RPS6KA2: variants seen among roughly 807,000 people sequenced by gnomAD.
RPS6KA2 encodes the protein ribosomal protein S6 kinase A2.
RPS6KA2 carries 42 observed loss-of-function variants against 91.8 expected under a neutral mutation model. The ratio of observed to expected loss-of-function variants is 0.46; its 90% CI spans 0.36 to 0.59. The LOEUF is 0.59. Among genes scored for constraint, RPS6KA2 ranks in the 20% least tolerant of loss-of-function variants. RPS6KA2 has a pLI of 0.00. For synonymous variants in RPS6KA2, 414 were observed against 393.6 expected (o/e 1.05, Z -0.61); for missense variants, 798 against 978.5 (o/e 0.82, Z 2.46).
chr6:166,839,684 A>AGGGCAGGGGAGGGGAGGGGAGGG (rs1360878613), intron 2 of RPS6KA2, among the ~76,000 whole-genome samples: 3 of 23,862 alleles, frequency 1.3e-4, no homozygotes, highest in African/African-American at 5.1e-4. Flanking sequence ...TCAGAGCAGG[A>AGGGCAGGGGAGGGGAGGGGAGGG]GAGGAGAGGG....
intron 1 of RPS6KA2, among the ~76,000 whole-genome samples, chr6:166,577,434 G>C (rs986841134): frequency 3.3e-5 from 5 of 152,194 alleles, no homozygotes; most frequent in Non-Finnish European, 1.5e-5. Flanking sequence ...CCACAGGGGT[G>C]GAGCTGCCCA....
intron 19 of RPS6KA2, among the ~76,000 whole-genome samples, chr6:166,417,786 C>A (rs1184479920): frequency 6.6e-6 from 1 of 152,046 alleles, no homozygotes; most frequent in Non-Finnish European, 1.5e-5. Flanking sequence ...GAGGATAAGG[C>A]CAGGTGTGGT....
intron 2 of RPS6KA2, among the ~76,000 whole-genome samples, chr6:166,708,774 C>G (rs529136445): frequency 2.0e-5 from 3 of 152,336 alleles, no homozygotes; most frequent in Non-Finnish European, 2.9e-5. Context: ...ACTTCCTTCT[C>G]ATACAATTGA....
chr6:166,815,016 T>C (rs1779729144), intron 2 of RPS6KA2, among the ~76,000 whole-genome samples: 1 of 152,172 alleles, frequency 6.6e-6, no homozygotes, highest in African/African-American at 2.4e-5. Context: ...TTGTCCCTGG[T>C]GCCAAAAAGG....
At chr6:166,600,365 T>C (rs917926056) in intron 1 of RPS6KA2, among the ~76,000 whole-genome samples, 7 of 152,252 alleles carry the variant, frequency 4.6e-5, no homozygotes, top group African/African-American at 1.7e-4. Flanking sequence ...GCAGAGACGA[T>C]GTCTGTCTTA....
intron 1 of RPS6KA2, among the ~76,000 whole-genome samples, chr6:166,589,927 T>C (rs1366303832): frequency 1.3e-5 from 2 of 151,978 alleles, no homozygotes; most frequent in Non-Finnish European, 1.5e-5. Flanking sequence ...ACCCAACAAA[T>C]GAGGCCACAG....
rs919009124 is a variant in RPS6KA2 at position 166,603,760 on chromosome 6, G to A, written c.99+23161C>T. Among the ~76,000 whole-genome samples the A allele has an allele frequency of 1.3e-5, 2 of 152,240 alleles. No individual in the cohort carries two copies. The highest frequency in any genetic ancestry group is 2.9e-5 in the Non-Finnish European group (2 of 68,052). On this transcript the variant is annotated intron_variant, in intron 1 of 20. Coordinates refer to ENST00000265678, the MANE Select transcript of RPS6KA2 (RefSeq NM_021135.6). The surrounding 1 kb of genome is among the most constrained non-coding windows in gnomAD (Gnocchi z 4.3). ...TTGCGAGGTTGCAGAAGGGAGGCCA[G>A]GGAATGGCTGTGGCCCAGGTGTATC... is the stretch of plus-strand genomic sequence containing the variant.
chr6:166,799,939 G>A lies in RPS6KA2; in HGVS notation c.123+58261C>T, dbSNP rs554204006. On this transcript the variant is annotated intron_variant, in intron 2 of 21. Coordinates refer to the RPS6KA2 transcript ENST00000503859. ...CCTTCTGCCAAGTCCCCAGTAACAG[G>A]TCATGGCTGCGATCTCTCAGGAGAT... Among the ~76,000 whole-genome samples the A allele has an allele frequency of 2.0e-5, 3 of 152,120 alleles. No homozygotes were observed. In the South Asian group the frequency reaches 6.2e-4, roughly 32 times the overall value.
intron 6 of RPS6KA2, among the ~76,000 whole-genome samples, chr6:166,502,085 A>G (rs1562538536): frequency 6.6e-6 from 1 of 152,164 alleles, no homozygotes; most frequent in East Asian, 1.9e-4. Context: ...GTGCAGGGGG[A>G]CAGAGCTTTA....
chr6:166,801,499 T>C (rs1039839013), intron 2 of RPS6KA2, among the ~76,000 whole-genome samples: 1 of 152,208 alleles, frequency 6.6e-6, no homozygotes, highest in East Asian at 1.9e-4. Flanking sequence ...CATGCCACCA[T>C]GCCCAGCTAA....
At chr6:166,449,503 T>C (rs976501681) in intron 13 of RPS6KA2, among the ~76,000 whole-genome samples, 1 of 152,168 alleles carries the variant, frequency 6.6e-6, no homozygotes, top group Admixed American at 6.5e-5. Flanking sequence ...TGTATTCTGG[T>C]TACATTTATT....
intron 2 of RPS6KA2, among the ~76,000 whole-genome samples, chr6:166,846,388 TC>T (rs1780605634): frequency 9.7e-6 from 1 of 102,626 alleles, no homozygotes; most frequent in Non-Finnish European, 2.2e-5. Flanking sequence ...CATACCAAAA[TC>T]AGGGAAGGAC....
At chr6:166,581,458 C>T (rs187916353) in intron 1 of RPS6KA2, among the ~76,000 whole-genome samples, 4 of 152,208 alleles carry the variant, frequency 2.6e-5, no homozygotes, top group East Asian at 3.9e-4. Context: ...CCTTCTCCTA[C>T]GCTCCACTGT....
chr6:166,646,176 A>G (rs1787595564), intron 2 of RPS6KA2, among the ~76,000 whole-genome samples: 1 of 151,772 alleles, frequency 6.6e-6, no homozygotes, highest in Admixed American at 6.6e-5. Context: ...TGCCCATCTC[A>G]GTTGATCAGA....
intron 2 of RPS6KA2, among the ~76,000 whole-genome samples, chr6:166,837,833 T>C (rs1780360560): frequency 6.6e-6 from 1 of 152,286 alleles, no homozygotes; most frequent in African/African-American, 2.4e-5. Context: ...GTCCTAGGCA[T>C]AACTGGAAGC....
At chr6:166,568,785 G>A (rs535216680) in intron 1 of RPS6KA2, among the ~76,000 whole-genome samples, 95 of 152,204 alleles carry the variant, frequency 6.2e-4, no homozygotes, top group African/African-American at 2.3e-3. Flanking sequence ...CTAGTGACCA[G>A]CACAGGCCCA....
intron 11 of RPS6KA2, among the ~76,000 whole-genome samples, chr6:166,467,118 ACTCACTCC>A (rs1780565797): frequency 6.6e-6 from 1 of 151,422 alleles, no homozygotes; most frequent in Non-Finnish European, 1.5e-5. Flanking sequence ...TCCCTCATTC[ACTCACTCC>A]CTCACTCATT....
intron 2 of RPS6KA2, among the ~76,000 whole-genome samples, chr6:166,671,316 C>A (rs954013819): frequency 3.9e-5 from 6 of 152,202 alleles, no homozygotes; most frequent in Non-Finnish European, 7.3e-5. Flanking sequence ...TGTCTGGTAA[C>A]CTCTCTATTC....
At chr6:166,634,970 C>T (rs760165057) in intron 2 of RPS6KA2, among the ~76,000 whole-genome samples, 13 of 151,794 alleles carry the variant, frequency 8.6e-5, no homozygotes, top group Admixed American at 3.3e-4. Flanking sequence ...CTTAAAAATC[C>T]ACAGGAAAAA....
Sources: gnomAD v4.1 joint callset for allele counts (sites outside exome capture counted in the v4.1 genomes callset) on GRCh38, gnomAD v4.1.1 for gene constraint, Gnocchi (gnomAD v3.1) non-coding constraint, MANE v1.5 for transcripts, NCBI Gene and HGNC (gene_info 2026-07-23, HGNC 2026-07-21) for gene names.